The following ARL15 variants were observed in gnomAD, a reference collection of about 807,000 sequenced individuals.
The protein encoded by ARL15 is ADP-ribosylation factor-like protein 15.
ARL15 carries 19 observed loss-of-function variants against 25.2 expected under a neutral mutation model. The ratio of observed to expected loss-of-function variants is 0.75; its 90% CI spans 0.53 to 1.10. The LOEUF is 1.10. Ranked by LOEUF, ARL15 falls within the 50% of genes least tolerant of loss-of-function variation. ARL15 has a pLI of 0.00. For missense variants in ARL15, 220 were observed against 246.0 expected (o/e 0.89, Z 0.71); for synonymous variants, 94 against 86.8 (o/e 1.08, Z -0.46).
At chr5:53,970,855 G>A (rs1252054657) in intron 4 of ARL15, among the ~76,000 whole-genome samples, 1 of 152,156 alleles carries the variant, frequency 6.6e-6, no homozygotes, top group East Asian at 1.9e-4. Flanking sequence ...CTGAATAAAT[G>A]AAAACACACT....
chr5:54,215,832 A>C (rs532565440), intron 1 of ARL15, among the ~76,000 whole-genome samples: 1 of 152,128 alleles, frequency 6.6e-6, no homozygotes, highest in African/African-American at 2.4e-5. Context: ...GACAAGAAAT[A>C]AAAGAATGGA....
At chr5:53,963,944 T>G (rs759794234) in intron 4 of ARL15, among the ~76,000 whole-genome samples, 2 of 152,218 alleles carry the variant, frequency 1.3e-5, no homozygotes, top group Non-Finnish European at 2.9e-5. Context: ...AAATTTGCCT[T>G]ATTTTTAAAT....
chr5:54,185,951 C>T (rs675674), intron 1 of ARL15, among the ~76,000 whole-genome samples: 98,808 of 151,930 alleles, frequency 0.65, 32,568 homozygotes, highest in East Asian at 0.99. Flanking sequence ...GCTAATGACA[C>T]AGAGGCAGTC....
chr5:54,000,749 C>A (rs942976869), intron 4 of ARL15, among the ~76,000 whole-genome samples: 2 of 152,164 alleles, frequency 1.3e-5, no homozygotes, highest in African/African-American at 2.4e-5. Context: ...AAAACATATA[C>A]CTAACAAAAC....
intron 4 of ARL15, among the ~76,000 whole-genome samples, chr5:53,969,856 T>C (rs1747680051): frequency 6.6e-6 from 1 of 152,130 alleles, no homozygotes; most frequent in Non-Finnish European, 1.5e-5. Context: ...AAAAATCCCA[T>C]GTTTGAGAAG....
intron 1 of ARL15, among the ~76,000 whole-genome samples, chr5:54,192,426 C>T (rs942459317): frequency 9.9e-5 from 15 of 151,914 alleles, no homozygotes; most frequent in African/African-American, 2.4e-4. Context: ...AGTCCCATGA[C>T]GGCAAGATTT....
chr5:54,165,755 A>ATAT (rs1561249813), intron 2 of ARL15, among the ~76,000 whole-genome samples: 5 of 122,464 alleles, frequency 4.1e-5, no homozygotes, highest in Non-Finnish European at 7.0e-5. Flanking sequence ...TATATATATA[A>ATAT]ATAGAGACAG....
At chr5:53,930,805 A>G (rs1468746074) in intron 4 of ARL15, among the ~76,000 whole-genome samples, 1 of 152,204 alleles carries the variant, frequency 6.6e-6, no homozygotes, top group African/African-American at 2.4e-5. Flanking sequence ...CGGTAGAGGG[A>G]ATTAAGCTGT....
intron 1 of ARL15, among the ~76,000 whole-genome samples, chr5:54,208,375 A>G (rs924565298): frequency 6.6e-6 from 1 of 152,100 alleles, no homozygotes; most frequent in African/African-American, 2.4e-5. Context: ...AATGAGATGA[A>G]AATCTAATAC....
intron 1 of ARL15, among the ~76,000 whole-genome samples, chr5:54,174,075 CAGTTT>C (rs1754794990): frequency 6.6e-6 from 1 of 152,154 alleles, no homozygotes; most frequent in Non-Finnish European, 1.5e-5. Flanking sequence ...CAGACAATTG[CAGTTT>C]CTTATTCATC....
chr5:54,208,885 G>A (rs993439394), intron 1 of ARL15, among the ~76,000 whole-genome samples: 1 of 152,034 alleles, frequency 6.6e-6, no homozygotes, highest in African/African-American at 2.4e-5. Context: ...CTGAGAGAAT[G>A]TCACCAAGAA....
chr5:53,973,571 T>C (rs1337459360), intron 4 of ARL15, among the ~76,000 whole-genome samples: 1 of 113,974 alleles, frequency 8.8e-6, no homozygotes, highest in Non-Finnish European at 1.9e-5. Flanking sequence ...TGAAACTTCA[T>C]CTCAAAAAAA....
chr5:54,243,493 T>C (rs1757011679), intron 1 of ARL15, among the ~76,000 whole-genome samples: 1 of 152,210 alleles, frequency 6.6e-6, no homozygotes. Flanking sequence ...GATAAAAGGC[T>C]TTTAATAAGT....
intron 4 of ARL15, among the ~76,000 whole-genome samples, chr5:54,004,896 A>T (rs1748973001): frequency 6.6e-6 from 1 of 152,222 alleles, no homozygotes. Context: ...ACAATGTGCT[A>T]GTCAGCATAT....
At chr5:54,146,761 G>A (rs192726777) in intron 3 of ARL15, among the ~76,000 whole-genome samples, 2 of 152,056 alleles carry the variant, frequency 1.3e-5, no homozygotes, top group Non-Finnish European at 2.9e-5. Flanking sequence ...ATTGCCAGGG[G>A]GGTCAAAAGG....
chr5:53,980,102 A>G (rs752800361), intron 4 of ARL15, among the ~76,000 whole-genome samples: 3 of 129,242 alleles, frequency 2.3e-5, no homozygotes, highest in African/African-American at 6.0e-5. Context: ...TAATAAACCT[A>G]TGATTCCTAA....
intron 4 of ARL15, among the ~76,000 whole-genome samples, chr5:53,965,591 G>C (rs1018503570): frequency 1.1e-4 from 17 of 151,882 alleles, no homozygotes; most frequent in African/African-American, 3.6e-4. Flanking sequence ...GCCATGGACT[G>C]TGTGTGCATT....
At chr5:54,123,560 C>T (rs1488621647) in intron 3 of ARL15, among the ~76,000 whole-genome samples, 6 of 152,164 alleles carry the variant, frequency 3.9e-5, no homozygotes, top group Admixed American at 6.5e-5. Flanking sequence ...CATGATCATC[C>T]TATTTCAGAC....
At chr5:54,247,782 T>C (rs984606560) in intron 1 of ARL15, among the ~76,000 whole-genome samples, 9 of 152,052 alleles carry the variant, frequency 5.9e-5, no homozygotes, top group Non-Finnish European at 1.2e-4. Flanking sequence ...CAATATAACA[T>C]ACTAATTTAT....
Sources: gnomAD v4.1 joint callset for allele counts (sites outside exome capture counted in the v4.1 genomes callset) on GRCh38, gnomAD v4.1.1 for gene constraint, MANE v1.5 for transcripts, NCBI Gene and HGNC (gene_info 2026-07-23, HGNC 2026-07-21) for gene names.